ADGRL3: variants seen among roughly 807,000 people sequenced by gnomAD.
ADGRL3 encodes the protein calcium-independent alpha-latrotoxin receptor 3.
Under a neutral mutation model 153.5 loss-of-function variants are expected in ADGRL3, and 62 were observed. The ratio of observed to expected loss-of-function variants is 0.40; its 90% CI spans 0.33 to 0.50. ADGRL3 has a LOEUF of 0.50. ADGRL3 is among the 20% of genes least tolerant of loss of function. The pLI, the probability that ADGRL3 is intolerant of heterozygous loss-of-function variation, is 0.47. For missense variants in ADGRL3, 1,641 were observed against 1,859.4 expected, an observed-to-expected ratio of 0.88 and a Z score of 2.16; for synonymous variants, 710 against 672.5, an observed-to-expected ratio of 1.06 and a Z score of -0.86.
chr4:61,803,037 T>C (rs2097517541), intron 8 of ADGRL3, among the ~76,000 whole-genome samples: 1 of 152,174 alleles, frequency 6.6e-6, no homozygotes, highest in South Asian at 2.1e-4. Context: ...TTTATTTCTA[T>C]TCGCTAGTGG....
intron 1 of ADGRL3, among the ~76,000 whole-genome samples, chr4:61,327,276 G>A (rs1460061428): frequency 1.3e-5 from 2 of 150,066 alleles, no homozygotes; most frequent in African/African-American, 2.4e-5. Flanking sequence ...TGTACATCCA[G>A]AGCTTCAAAA....
At chr4:61,736,281 T>A (rs1233983431) in intron 8 of ADGRL3, among the ~76,000 whole-genome samples, 1 of 152,134 alleles carries the variant, frequency 6.6e-6, no homozygotes, top group African/African-American at 2.4e-5. Flanking sequence ...TTTTTAAAAA[T>A]GTATTTGCTT....
At chr4:61,281,143 C>T (rs1217169621) in intron 1 of ADGRL3, among the ~76,000 whole-genome samples, 1 of 151,644 alleles carries the variant, frequency 6.6e-6, no homozygotes, top group Non-Finnish European at 1.5e-5. Flanking sequence ...ATTGCCTTAT[C>T]ATCAAAGTAA....
At chr4:61,335,991 AAATT>A (rs2095666831) in intron 1 of ADGRL3, among the ~76,000 whole-genome samples, 2 of 152,188 alleles carry the variant, frequency 1.3e-5, no homozygotes, top group African/African-American at 4.8e-5. Context: ...GGATAATTCT[AAATT>A]TATTTATTGT....
intron 8 of ADGRL3, among the ~76,000 whole-genome samples, chr4:61,759,443 C>T (rs930988855): frequency 6.6e-6 from 1 of 152,202 alleles, no homozygotes; most frequent in Non-Finnish European, 1.5e-5. Flanking sequence ...CACTGATACG[C>T]TTTCTTCCAG....
intron 8 of ADGRL3, among the ~76,000 whole-genome samples, chr4:61,806,885 G>T (rs914575897): frequency 6.6e-6 from 1 of 151,942 alleles, no homozygotes; most frequent in Non-Finnish European, 1.5e-5. Flanking sequence ...AAATAATTTT[G>T]TCTTGCATAG....
chr4:61,312,880 A>G (rs201181626), intron 1 of ADGRL3, among the ~76,000 whole-genome samples: 6 of 152,176 alleles, frequency 3.9e-5, no homozygotes, highest in Admixed American at 3.9e-4. Context: ...ATATTTACCC[A>G]AATGAACTGA....
At chr4:62,045,784 T>C (rs10222957) in intron 25 of ADGRL3, among the ~76,000 whole-genome samples, 3,990 of 152,076 alleles carry the variant, frequency 0.026, 185 homozygotes, top group African/African-American at 0.093. Context: ...TTAGTAAGAA[T>C]AGTGAGTGAG....
chr4:61,892,806 T>C lies in ADGRL3; in HGVS notation c.1631T>C (p.Val544Ala). ...STSTPSPAVE[V>A]LDDMTTHLPS... ...AGTACCCCATCTCCAGCTGTCGAGG[T>C]ACTTGATGACATGACCACACACCTT... The change falls in exon 10 of 27, where the codon GTA becomes GCA. Residue 544 changes from valine (V) to alanine (A), a missense_variant. Val to Ala is a moderately conservative substitution (Grantham distance 64). This residue lies in a region of ADGRL3 where 734 missense variants were observed against 797.0 expected (regional missense o/e 0.92). Coordinates refer to ENST00000683033, the MANE Select transcript of ADGRL3 (RefSeq NM_001387552.1). 6.2e-7 allele frequency: 1 copy of C among 1,613,754 alleles called. No individual in the cohort carries two copies. The highest frequency in any genetic ancestry group is 8.5e-7 in the Non-Finnish European group (1 of 1,179,838).
At chr4:61,675,516 G>C (rs973532226) in intron 5 of ADGRL3, among the ~76,000 whole-genome samples, 2 of 151,416 alleles carry the variant, frequency 1.3e-5, no homozygotes, top group African/African-American at 4.8e-5. Flanking sequence ...ATCTTTTTCA[G>C]AATTATAATT....
chr4:61,334,439 T>A (rs1480327973), intron 1 of ADGRL3, among the ~76,000 whole-genome samples: 1 of 152,096 alleles, frequency 6.6e-6, no homozygotes. Context: ...AAGGGTATAT[T>A]TGATATGAAG....
At chr4:61,303,116 A>G (rs2094637585) in intron 1 of ADGRL3, among the ~76,000 whole-genome samples, 1 of 152,186 alleles carries the variant, frequency 6.6e-6, no homozygotes, top group Non-Finnish European at 1.5e-5. Flanking sequence ...CCAAATTTAG[A>G]ACCATTGTTG....
intron 4 of ADGRL3, among the ~76,000 whole-genome samples, chr4:61,577,919 A>G (rs1036694880): frequency 2.6e-5 from 4 of 152,090 alleles, no homozygotes; most frequent in African/African-American, 9.7e-5. Context: ...TTTTTATACA[A>G]AGATTCATAT....
intron 17 of ADGRL3, among the ~76,000 whole-genome samples, chr4:61,977,025 T>G (rs1338477542): frequency 6.6e-6 from 1 of 152,166 alleles, no homozygotes; most frequent in African/African-American, 2.4e-5. Context: ...TTACTAGGAT[T>G]TTTTGTTCTA....
chr4:61,232,833 G>A (rs1751312684), intron 1 of ADGRL3, among the ~76,000 whole-genome samples: 2 of 152,090 alleles, frequency 1.3e-5, no homozygotes, highest in South Asian at 4.1e-4. Context: ...TAAGCCCTCA[G>A]CTTTATGAGG....
At chr4:62,031,250 A>T (rs992438666) in intron 22 of ADGRL3, among the ~76,000 whole-genome samples, 192 bp from the exon 23 acceptor site, 2 of 151,626 alleles carry the variant, frequency 1.3e-5, no homozygotes, top group African/African-American at 4.8e-5. Flanking sequence ...ATTTTCATTC[A>T]TGTATATATC....
intron 17 of ADGRL3, among the ~76,000 whole-genome samples, chr4:61,972,331 T>C (rs2099031357): frequency 6.6e-6 from 1 of 152,214 alleles, no homozygotes; most frequent in Non-Finnish European, 1.5e-5. Flanking sequence ...AATTAATTTT[T>C]GTATAAGGTG....
chr4:61,675,698 A>G (rs1220093941), intron 5 of ADGRL3, among the ~76,000 whole-genome samples: 1 of 144,994 alleles, frequency 6.9e-6, no homozygotes, highest in Non-Finnish European at 1.5e-5. Flanking sequence ...GTCAATGTGT[A>G]TATTCATGGG....
intron 19 of ADGRL3, among the ~76,000 whole-genome samples, chr4:61,985,486 T>G (rs2099082017): frequency 6.6e-6 from 1 of 152,062 alleles, no homozygotes; most frequent in Non-Finnish European, 1.5e-5. Context: ...AAAAAGATTT[T>G]CAAGCAGCAG....
Sources: allele counts gnomAD v4.1 joint callset (sites outside exome capture counted in the v4.1 genomes callset), GRCh38; gene constraint gnomAD v4.1.1; regional missense constraint gnomAD v4.1.1; transcripts MANE v1.5; gene names NCBI Gene and HGNC (gene_info 2026-07-23, HGNC 2026-07-21).